AKAP19: variants seen among roughly 807,000 people sequenced by gnomAD.
AKAP19 encodes the protein small A-kinase anchoring protein.
the AKAP19 span, among the ~76,000 whole-genome samples, chr2:190,172,887 C>A: frequency 6.6e-6 from 1 of 152,062 alleles, no homozygotes; most frequent in South Asian, 2.1e-4. Context: ...CTGAGGCGTG[C>A]CGATCACCTG....
At chr2:189,967,296 A>C in the AKAP19 span, among the ~76,000 whole-genome samples, 1 of 152,212 alleles carries the variant, frequency 6.6e-6, no homozygotes. Flanking sequence ...TAGGGAACCT[A>C]GGTTGTCATT....
the AKAP19 span, among the ~76,000 whole-genome samples, chr2:189,936,024 A>T: frequency 1.3e-5 from 2 of 152,156 alleles, no homozygotes; most frequent in East Asian, 3.8e-4. Context: ...GTGCTTTAAC[A>T]AGAAACTTTA....
chr2:190,078,510 GT>G, the AKAP19 span, among the ~76,000 whole-genome samples: 2 of 152,032 alleles, frequency 1.3e-5, no homozygotes, highest in African/African-American at 2.4e-5. Flanking sequence ...AAATAAGAAG[GT>G]TAAAAACCCA....
the AKAP19 span, among the ~76,000 whole-genome samples, chr2:189,943,345 C>G: frequency 6.6e-6 from 1 of 152,222 alleles, no homozygotes; most frequent in African/African-American, 2.4e-5. Context: ...AGCCATAACC[C>G]TTGGCAGCTT....
the AKAP19 span, among the ~76,000 whole-genome samples, chr2:189,893,074 G>GCCCCTC: frequency 8.1e-4 from 124 of 152,174 alleles, 1 homozygote; most frequent in South Asian, 2.7e-3. Context: ...AATGGCCGTC[G>GCCCCTC]CCCCTCCCCC....
At chr2:190,018,486 GT>G in the AKAP19 span, among the ~76,000 whole-genome samples, 3 of 150,738 alleles carry the variant, frequency 2.0e-5, no homozygotes, top group Admixed American at 6.6e-5. Context: ...ATTTCTATTT[GT>G]TTTTTTTAAA....
At chr2:190,040,787 CCCA>C in the AKAP19 span, among the ~76,000 whole-genome samples, 10 of 152,164 alleles carry the variant, frequency 6.6e-5, no homozygotes, top group South Asian at 1.9e-3. Context: ...GAGTCTTTTC[CCCA>C]TTGCTTGTTT....
the AKAP19 span, among the ~76,000 whole-genome samples, chr2:189,974,501 G>C: frequency 1.3e-5 from 2 of 152,088 alleles, no homozygotes; most frequent in Non-Finnish European, 2.9e-5. Flanking sequence ...AGGTCTGCTT[G>C]GTGCAGAGCT....
the AKAP19 span, among the ~76,000 whole-genome samples, chr2:189,989,372 T>A: frequency 3.3e-5 from 5 of 151,880 alleles, no homozygotes; most frequent in African/African-American, 1.2e-4. Flanking sequence ...AATATAAGTA[T>A]TTTCAATAAA....
the AKAP19 span, among the ~76,000 whole-genome samples, chr2:190,037,724 T>C: frequency 1.0e-3 from 154 of 152,326 alleles, 1 homozygote; most frequent in African/African-American, 3.5e-3. Context: ...CTTTCTTCCT[T>C]AGGATCCATG....
At chr2:189,945,083 G>A in the AKAP19 span, among the ~76,000 whole-genome samples, 10 of 152,106 alleles carry the variant, frequency 6.6e-5, no homozygotes, top group South Asian at 1.0e-3. Flanking sequence ...TATGGGATAC[G>A]GCAAAAGTAG....
chr2:190,067,534 A>C, the AKAP19 span, among the ~76,000 whole-genome samples: 2 of 151,928 alleles, frequency 1.3e-5, no homozygotes, highest in African/African-American at 2.4e-5. Context: ...AAAAAGCAGA[A>C]ATGTAAATAT....
At chr2:189,905,259 A>T in the AKAP19 span, among the ~76,000 whole-genome samples, 1 of 152,012 alleles carries the variant, frequency 6.6e-6, no homozygotes, top group Non-Finnish European at 1.5e-5. Context: ...AGTTGCAAAC[A>T]TATAATGTCC....
chr2:190,039,458 C>A, the AKAP19 span, among the ~76,000 whole-genome samples: 1 of 152,190 alleles, frequency 6.6e-6, no homozygotes, highest in Admixed American at 6.5e-5. Context: ...CTGTAAATTT[C>A]TGAAGTCAAA....
At chr2:190,041,119 G>T in the AKAP19 span, among the ~76,000 whole-genome samples, 1 of 152,158 alleles carries the variant, frequency 6.6e-6, no homozygotes, top group Non-Finnish European at 1.5e-5. Context: ...TGGCAGTATA[G>T]CTATTTTAAT....
At chr2:189,930,657 C>G in the AKAP19 span, 1 of 336,760 alleles carries the variant, frequency 3.0e-6, no homozygotes, top group Non-Finnish European at 5.7e-6. Flanking sequence ...GCCTGGGTGA[C>G]AAGAAGGAAA....
the AKAP19 span, among the ~76,000 whole-genome samples, chr2:190,167,732 A>T: frequency 6.6e-6 from 1 of 151,960 alleles, no homozygotes. Context: ...TCCAAAATGA[A>T]CTCCTTTGAC....
chr2:190,072,305 A>C, the AKAP19 span, among the ~76,000 whole-genome samples: 1 of 152,150 alleles, frequency 6.6e-6, no homozygotes, highest in Non-Finnish European at 1.5e-5. Context: ...AACTAACTGT[A>C]GGGTACTAAG....
At chr2:190,140,183 T>C in the AKAP19 span, among the ~76,000 whole-genome samples, 2,248 of 152,284 alleles carry the variant, frequency 0.015, 55 homozygotes, top group African/African-American at 0.051. Context: ...CTTGGTTAGC[T>C]CTACCCCTGT....
Sources: allele counts gnomAD v4.1 joint callset (sites outside exome capture counted in the v4.1 genomes callset), GRCh38; gene constraint gnomAD v4.1.1; transcripts MANE v1.5; gene names NCBI Gene and HGNC (gene_info 2026-07-23, HGNC 2026-07-21).